The following CFAP65 variants were observed in gnomAD, a reference collection of about 807,000 sequenced individuals.
CFAP65 encodes the protein cilia- and flagella-associated protein 65.
A neutral mutation model predicts 208.0 loss-of-function variants in CFAP65; 155 were observed. That is an observed-to-expected ratio of 0.75 (90% CI 0.65 to 0.85). The LOEUF is 0.85. CFAP65 is among the 40% of genes least tolerant of loss of function. CFAP65 has a pLI of 0.00. For synonymous variants in CFAP65, 970 were observed against 986.3 expected (o/e 0.98, Z 0.31); for missense variants, 2,294 against 2,451.3 (o/e 0.94, Z 1.36).
intron 1 of CFAP65, 192 bp downstream of exon 1, chr2:219,041,296 C>T (rs1028128039): frequency 3.8e-6 from 2 of 532,482 alleles, no homozygotes; most frequent in Non-Finnish European, 6.6e-6. Flanking sequence ...GCTGTTTCTT[C>T]TTTCTCTTCG....
At chr2:219,009,596 T>C (rs1946286309) in intron 27 of CFAP65, 136 bp from the exon 28 acceptor site, 1 of 556,638 alleles carries the variant, frequency 1.8e-6, no homozygotes, top group African/African-American at 2.0e-5. Context: ...TGGGACAAGA[T>C]GGGATGGGAT....
Position 219,019,535 on chromosome 2 carries a change from C to T in CFAP65, c.3444G>A (p.Glu1148=). 6.2e-7 allele frequency: 1 copy of T among 1,613,022 alleles called. No individual in the cohort carries two copies. Among genetic ancestry groups the T allele is most frequent in the African/African-American group, 1.3e-5 (1 of 75,058 alleles). The change falls in exon 20 of 35, where the codon GAG becomes GAA. Residue 1148 remains glutamate, a synonymous_variant. Coordinates refer to ENST00000341552, the MANE Select transcript of CFAP65 (RefSeq NM_194302.4). ...GCCGGGTGGGCACCTTGTAGGTGAG[C>T]TCACAGGGGGTGGGGTCACGCTCCA... ...SYLERDPTPC[E]LTYKVPTRHS...
Position 219,014,070 on chromosome 2 carries a change from A to C in CFAP65, c.3603-26T>G, listed in dbSNP as rs758789529. On this transcript the variant is annotated intron_variant, in intron 21 of 34. Transcript: ENST00000341552. ...CTGGGAGAGGGGTGCAAAGCCATAC[A>C]AAGAAACTGGTCAGGCAGAACAGAG... is the stretch of plus-strand genomic sequence containing the variant. 6.3e-6 allele frequency: 10 copies of C among 1,577,302 alleles called. No homozygotes were observed. In the East Asian group the frequency reaches 2.0e-4, roughly 32 times the overall value.
Position 219,019,550 on chromosome 2 carries a change from G to A in CFAP65, c.3429C>T (p.Asp1143=). Residue 1143 remains aspartate, a synonymous_variant, in exon 20 of 35, where the codon GAC becomes GAT. Coordinates refer to ENST00000341552, the MANE Select transcript of CFAP65 (RefSeq NM_194302.4). ...TGTAGGTGAGCTCACAGGGGGTGGG[G>A]TCACGCTCCAAGTAACTGTTAAGCA... ...LDLLNSYLER[D]PTPCELTYKV... 6.2e-7 allele frequency: 1 copy of A among 1,613,352 alleles called. No homozygotes were observed.
intron 22 of CFAP65, 38 bp downstream of exon 22, chr2:219,013,830 T>C (rs1946651519): frequency 6.5e-7 from 1 of 1,539,908 alleles, no homozygotes; most frequent in Non-Finnish European, 8.8e-7. Context: ...GGGGCCTCTA[T>C]GACTGGAAGT....
chr2:219,003,303 G>T lies in CFAP65; in HGVS notation c.5556-31C>A, dbSNP rs1335725219. The T allele has an allele frequency of 3.4e-6, 5 of 1,491,682 alleles. No individual in the cohort carries two copies. Among genetic ancestry groups the T allele is most frequent in the South Asian group, 2.7e-5 (2 of 75,272 alleles). The allele number at this position is 1,491,682 out of a possible 1,614,324, so 92.4% of individuals were successfully genotyped here. On this transcript the variant is annotated intron_variant, in intron 33 of 34. Coordinates refer to ENST00000341552, the MANE Select transcript of CFAP65 (RefSeq NM_194302.4). This position sits in a 1 kb window ranked among gnomAD's most constrained non-coding sequence, Gnocchi z 4.4. ...AGGGGGCGGGGGCTAGCATGAGGGCGGCCGCAGTGCCCGCGCGCCTCCTCG... is the reference window on the plus strand; with the variant it reads ...AGGGGGCGGGGGCTAGCATGAGGGCTGCCGCAGTGCCCGCGCGCCTCCTCG...
In CFAP65 at chr2:219,005,420, G is replaced by T. The variant is rs1292070651; in HGVS notation, c.5051+14C>A. ...GCGAAGGTGGCAATGAGGGCCCAGG[G>T]TGTGAGCTGGTACCTGATTATTGTG... On this transcript the variant is annotated intron_variant, in intron 32 of 34. Transcript: ENST00000341552. 6.2e-7 allele frequency: 1 copy of T among 1,613,756 alleles called. No individual in the cohort carries two copies. Among genetic ancestry groups the T allele is most frequent in the Non-Finnish European group, 8.5e-7 (1 of 1,179,896 alleles).
At chr2:219,011,877 C>A (rs905630917) in intron 24 of CFAP65, among the ~76,000 whole-genome samples, 14 of 152,204 alleles carry the variant, frequency 9.2e-5, no homozygotes, top group Admixed American at 9.2e-4. Context: ...GCTTGTGTCC[C>A]CACAAAATCC....
chr2:219,007,168 GT>G lies in CFAP65; in HGVS notation c.4675-660del, dbSNP rs77968701. 2.0e-3 allele frequency among the ~76,000 whole-genome samples: 271 copies of G among 138,768 alleles called. 4 individuals carry two copies. Among genetic ancestry groups the G allele is most frequent in the African/African-American group, 7.9e-3 (249 of 31,324 alleles). 91.0% of individuals were successfully genotyped at this position (138,768 alleles called of 152,430 possible). ...TTTTTTGTTGTTGTTGTTTTTGTTT[GT>G]TTTTTTTTCTTTGTTTTTTTTTTTG... On this transcript the variant is annotated intron_variant, in intron 29 of 34. Transcript: ENST00000341552.
Position 219,027,655 on chromosome 2 carries a change from A to G in CFAP65, c.2206T>C (p.Tyr736His). Residue 736 changes from tyrosine (Y) to histidine (H), a missense_variant, in exon 13 of 35, where the codon TAT becomes CAT. Tyr to His is a moderately conservative substitution (Grantham distance 83). Coordinates refer to ENST00000341552, the MANE Select transcript of CFAP65 (RefSeq NM_194302.4). ...YTVELEAFAI[Y>H]KVLQSYSNIE... Reference sequence around the variant, plus strand: ...CTCTCATTGCGTGCACACACCTTATAGATGGCGAAGGCTTCGAGCTCCACC... The same window carrying G: ...CTCTCATTGCGTGCACACACCTTATGGATGGCGAAGGCTTCGAGCTCCACC... 4 of 1,613,842 alleles carry G rather than the reference A, an allele frequency of 2.5e-6. No individual in the cohort carries two copies. Among genetic ancestry groups the G allele is most frequent in the Non-Finnish European group, 3.4e-6 (4 of 1,180,028 alleles).
At chr2:219,040,749 A>G (rs1288872276) in intron 1 of CFAP65, among the ~76,000 whole-genome samples, 185 bp from the exon 2 acceptor site, 2 of 152,190 alleles carry the variant, frequency 1.3e-5, no homozygotes, top group Non-Finnish European at 2.9e-5. Context: ...ATGAGAGATG[A>G]TGGGGTAGAA....
Position 219,019,167 on chromosome 2 carries a change from G to T in CFAP65, c.3486C>A (p.Ile1162=), listed in dbSNP as rs1479034908. The change falls in exon 21 of 35, where the codon ATC becomes ATA. Residue 1162 remains isoleucine, a synonymous_variant. Coordinates refer to ENST00000341552, the MANE Select transcript of CFAP65 (RefSeq NM_194302.4). The stretch of plus-strand genomic sequence containing the variant: ...GCCTTAAAGGGGTGAGGACGGGGGG[G>T]ATCTGGCTCATGCTGTGAGGAACAG... The part of the protein sequence containing the change: ...KVPTRHSMSQ[I]PPVLTPLRLD... 2 of 1,613,100 alleles carry T rather than the reference G, an allele frequency of 1.2e-6. No individual in the cohort carries two copies. Among genetic ancestry groups the T allele is most frequent in the Non-Finnish European group, 8.5e-7 (1 of 1,179,388 alleles).
chr2:219,040,483 G>A, intron 2 of CFAP65, 36 bp downstream of exon 2: 1 of 1,067,652 alleles, frequency 9.4e-7, no homozygotes, highest in Non-Finnish European at 1.4e-6. Context: ...ACCAGGTACT[G>A]TGCTAGGCAC....
Position 219,023,354 on chromosome 2 carries a change from G to A in CFAP65, c.2673C>T (p.Thr891=), listed in dbSNP as rs746212984. 9.3e-6 allele frequency: 15 copies of A among 1,609,692 alleles called. No individual in the cohort carries two copies. The highest frequency in any genetic ancestry group is 1.1e-5 in the Non-Finnish European group (13 of 1,178,472). The change falls in exon 16 of 35, where the codon ACC becomes ACT. Residue 891 remains threonine (T), a synonymous_variant. Transcript: ENST00000341552. ...DTHKSLYFKP[T]WVGCSSTSPF... ...GGCTGGTGGAGGAGCAGCCCACCCA[G>A]GTGGGCTTGAAGTAGAGGCTTTTGT...
chr2:219,009,691 T>G (rs889387747), intron 27 of CFAP65, among the ~76,000 whole-genome samples: 5 of 47,836 alleles, frequency 1.0e-4, no homozygotes, highest in Non-Finnish European at 1.2e-4. Flanking sequence ...TGGGGTGGGG[T>G]GGGATGGGAT....
chr2:219,029,358 G>C, intron 11 of CFAP65, 45 bp downstream of exon 11: 15 of 1,584,298 alleles, frequency 9.5e-6, no homozygotes, highest in Non-Finnish European at 1.2e-5. Flanking sequence ...GTGGGCCCCA[G>C]GGGAGCCCCT....
intron 24 of CFAP65, among the ~76,000 whole-genome samples, 161 bp downstream of exon 24, chr2:219,013,098 A>G (rs1011526849): frequency 5.3e-5 from 8 of 152,100 alleles, no homozygotes; most frequent in African/African-American, 1.9e-4. Flanking sequence ...CTCTCCCTTC[A>G]AGTCTCTCCC....
chr2:219,013,197 A>T, intron 24 of CFAP65, 62 bp downstream of exon 24: 1 of 1,131,664 alleles, frequency 8.8e-7, no homozygotes, highest in Non-Finnish European at 1.3e-6. Context: ...AAGGGCTGAC[A>T]CTCATACCTA....
chr2:219,009,254 G>T (rs969274184), intron 28 of CFAP65, 93 bp downstream of exon 28: 9 of 1,456,028 alleles, frequency 6.2e-6, no homozygotes, highest in Non-Finnish European at 7.7e-6. Flanking sequence ...TCTGCCTTTT[G>T]CTGGGGTCTG....
Sources: allele counts gnomAD v4.1 joint callset (sites outside exome capture counted in the v4.1 genomes callset), GRCh38; gene constraint gnomAD v4.1.1; non-coding constraint Gnocchi (gnomAD v3.1); transcripts MANE v1.5; gene names NCBI Gene and HGNC (gene_info 2026-07-23, HGNC 2026-07-21).